The following MFSD11 variants were observed in gnomAD, a reference collection of about 807,000 sequenced individuals.
MFSD11 encodes the protein UNC93-like protein MFSD11.
Under a neutral mutation model 53.5 loss-of-function variants are expected in MFSD11, and 36 were observed. The observed-to-expected ratio is 0.67, with a 90% CI of 0.52 to 0.89. The LOEUF is 0.89. MFSD11 is among the 40% of genes least tolerant of loss of function. MFSD11 has a pLI of 0.00. For synonymous variants in MFSD11, 186 were observed against 184.9 expected (o/e 1.01, Z -0.05); for missense variants, 530 against 543.9 (o/e 0.97, Z 0.25).
At chr17:76,792,394 C>T in the MFSD11 span, among the ~76,000 whole-genome samples, 4 of 151,366 alleles carry the variant, frequency 2.6e-5, no homozygotes, top group Non-Finnish European at 5.9e-5. Context: ...GTTAGGATTA[C>T]AGGCATGAGC....
the MFSD11 span, among the ~76,000 whole-genome samples, chr17:76,797,438 G>A: frequency 6.6e-6 from 1 of 152,154 alleles, no homozygotes; most frequent in Non-Finnish European, 1.5e-5. Context: ...GCTCTAGTGG[G>A]AGTGTCTATT....
chr17:76,789,998 G>A, the MFSD11 span, among the ~76,000 whole-genome samples: 1 of 149,256 alleles, frequency 6.7e-6, no homozygotes, highest in Admixed American at 6.7e-5. Flanking sequence ...TGGCTTGTTT[G>A]TTTGGGTTAT....
At chr17:76,739,046 T>G (rs1430611954) in intron 2 of MFSD11, 53 bp downstream of exon 2, 1 of 1,364,886 alleles carries the variant, frequency 7.3e-7, no homozygotes, top group African/African-American at 1.4e-5. Context: ...GTTGCTTAAA[T>G]CTCATCAGAA....
chr17:76,752,461 A>G (rs1486710833), intron 7 of MFSD11, among the ~76,000 whole-genome samples: 1 of 147,352 alleles, frequency 6.8e-6, no homozygotes, highest in East Asian at 2.0e-4. Context: ...AAGTGGCGTG[A>G]TCTCAGTTTC....
chr17:76,775,213 G>A (rs2081710958), intron 11 of MFSD11, 42 bp downstream of exon 11: 2 of 1,583,464 alleles, frequency 1.3e-6, no homozygotes, highest in Non-Finnish European at 1.7e-6. Context: ...AGTACGGGTG[G>A]GAGGTAACGG....
In MFSD11 at chr17:76,742,030, A is replaced by G; in HGVS notation, c.322A>G (p.Ile108Val). 4 of 1,614,032 alleles carry G rather than the reference A, an allele frequency of 2.5e-6. No homozygotes were observed. Among genetic ancestry groups the G allele is most frequent in the South Asian group, 1.1e-5 (1 of 91,070 alleles). The change falls in exon 4 of 13, where the codon ATT becomes GTT. Residue 108 changes from isoleucine (I) to valine (V), a missense_variant. Physicochemically the swap from Ile to Val is conservative, Grantham distance 29. Transcript: ENST00000685175. ...GTCCTTCTACACAGCCTCTGTTTTC[A>G]TTGGAATTGCTGCTGCTGGTAAGCA... ...PWSFYTASVFIGIAAAVLWTA... is the reference protein window; with the variant it reads ...PWSFYTASVFVGIAAAVLWTA...
chr17:76,741,213 G>A, intron 3 of MFSD11, 149 bp downstream of exon 3: 2 of 603,028 alleles, frequency 3.3e-6, no homozygotes, highest in Non-Finnish European at 5.9e-6. Flanking sequence ...GTTGCTCAGG[G>A]ATATCATATT....
At chr17:76,775,219 A>G in intron 11 of MFSD11, 48 bp downstream of exon 11, 1 of 1,564,562 alleles carries the variant, frequency 6.4e-7, no homozygotes, top group South Asian at 1.1e-5. Flanking sequence ...GGTGGGAGGT[A>G]ACGGATGGCT....
rs141613321 is a variant in MFSD11 at position 76,778,899 on chromosome 17, G to T, written c.*547G>T. On this transcript the variant is annotated 3_prime_UTR_variant, in exon 13 of 13. Transcript: ENST00000685175. ...CTTCAGCCCAGGAGATTGAGGCTGC[G>T]GTGAGCTATGATCACACCACTGCAC... is the stretch of plus-strand genomic sequence containing the variant. 4.5e-3 allele frequency: 701 copies of T among 154,814 alleles called. 9 individuals are homozygous for T. The highest frequency in any genetic ancestry group is 0.016 in the African/African-American group (646 of 41,546). The allele number at this position is 154,814 out of a possible 1,614,324, so 9.6% of individuals were successfully genotyped here.
chr17:76,747,579 C>T (rs1053281938), intron 7 of MFSD11, among the ~76,000 whole-genome samples: 6 of 151,962 alleles, frequency 3.9e-5, no homozygotes, highest in Non-Finnish European at 7.4e-5. Flanking sequence ...GTGATCCACC[C>T]GCCTTGGCCT....
In MFSD11 at chr17:76,760,482, G is replaced by C. The variant is rs147503202; in HGVS notation, c.682+6395G>C. On this transcript the variant is annotated intron_variant, in intron 8 of 12. Coordinates refer to ENST00000685175, the MANE Select transcript of MFSD11 (RefSeq NM_001242532.5). ...TGAAGTTCAAACCCATGTTGTTCAA[G>C]GGTCAACTGTGTAAGTAAAGTGCAA... is the stretch of plus-strand genomic sequence containing the variant. Among the ~76,000 whole-genome samples, 673 of 152,068 alleles carry C rather than the reference G, an allele frequency of 4.4e-3. 9 individuals are homozygous for C. Among genetic ancestry groups the C allele is most frequent in the African/African-American group, 0.015 (641 of 41,500 alleles).
At chr17:76,797,123 C>T in the MFSD11 span, among the ~76,000 whole-genome samples, 6 of 151,938 alleles carry the variant, frequency 3.9e-5, no homozygotes, top group Non-Finnish European at 8.8e-5. Flanking sequence ...GAGCTGAGAT[C>T]GCACCACTGT....
chr17:76,780,364 C>T (rs563223509), downstream of MFSD11, among the ~76,000 whole-genome samples: 87 of 151,852 alleles, frequency 5.7e-4, no homozygotes, highest in African/African-American at 1.9e-3. Context: ...GAGACAGAGT[C>T]TCCCTATGTT....
chr17:76,756,813 T>C (rs1436441484), intron 8 of MFSD11, among the ~76,000 whole-genome samples: 1 of 150,862 alleles, frequency 6.6e-6, no homozygotes, highest in African/African-American at 2.4e-5. Flanking sequence ...TGAGCCGAGA[T>C]TGCGCCACTG....
downstream of MFSD11, among the ~76,000 whole-genome samples, chr17:76,782,600 TC>T (rs1273100340): frequency 1.4e-5 from 2 of 142,108 alleles, no homozygotes; most frequent in Non-Finnish European, 3.0e-5. Flanking sequence ...TGCCTCAGCC[TC>T]CCGAGTAGCT....
rs1286379736 is a variant in MFSD11 at position 76,742,040 on chromosome 17, C to A, written c.332C>A (p.Ala111Asp). 4 of 1,614,030 alleles carry A rather than the reference C, an allele frequency of 2.5e-6. No homozygotes were observed. In the Admixed American group the frequency reaches 5.0e-5, roughly 20 times the overall value. Residue 111 changes from alanine (A) to aspartate (D), a missense_variant, in exon 4 of 13, where the codon GCT (alanine) becomes GAT (aspartate). Physicochemically the swap from Ala to Asp is moderately radical, Grantham distance 126. Transcript: ENST00000685175. ...ACAGCCTCTGTTTTCATTGGAATTG[C>A]TGCTGCTGGTAAGCATTTTGATTTT... ...FYTASVFIGI[A>D]AAVLWTAQGN...
the MFSD11 span, among the ~76,000 whole-genome samples, chr17:76,801,508 A>G: frequency 7.0e-6 from 1 of 143,066 alleles, no homozygotes; most frequent in African/African-American, 2.6e-5. Flanking sequence ...GTGCAATGGC[A>G]TGATCTCAGC....
intron 7 of MFSD11, among the ~76,000 whole-genome samples, chr17:76,746,775 C>T (rs905754520): frequency 2.6e-5 from 4 of 152,188 alleles, no homozygotes; most frequent in African/African-American, 7.2e-5. Context: ...GAAAAGGTTC[C>T]TCTCAAAATA....
the MFSD11 span, among the ~76,000 whole-genome samples, chr17:76,793,251 T>G: frequency 1.6e-4 from 24 of 151,414 alleles, 2 homozygotes; most frequent in Admixed American, 2.0e-4. Flanking sequence ...GCTTATTTCA[T>G]CCCTACAGTT....
Sources: gnomAD v4.1 joint callset for allele counts (sites outside exome capture counted in the v4.1 genomes callset) on GRCh38, gnomAD v4.1.1 for gene constraint, MANE v1.5 for transcripts, NCBI Gene and HGNC (gene_info 2026-07-23, HGNC 2026-07-21) for gene names.